IMMP2L: variants seen among roughly 807,000 people sequenced by gnomAD.
IMMP2L encodes the protein inner mitochondrial membrane peptidase subunit 2.
Under a neutral mutation model 19.3 loss-of-function variants are expected in IMMP2L, and 18 were observed. That is an observed-to-expected ratio of 0.93 (90% confidence interval 0.64 to 1.38). The LOEUF (loss-of-function observed/expected upper bound fraction) is 1.38. IMMP2L is among the 40% of genes most tolerant of loss of function. IMMP2L has a pLI of 0.00. For missense variants in IMMP2L, 233 were observed against 218.2 expected (o/e 1.07, Z -0.43); for synonymous variants, 76 against 73.0 (o/e 1.04, Z -0.21).
intron 5 of IMMP2L, among the ~76,000 whole-genome samples, chr7:110,835,435 A>G (rs1305169097): frequency 2.0e-5 from 3 of 152,134 alleles, no homozygotes; most frequent in Non-Finnish European, 2.9e-5. Context: ...AGACTCTTGG[A>G]AAGCTGCCAA....
rs1234134676 is a variant in IMMP2L, at chr7:110,760,945, T to C, written c.409-97224A>G. 6.6e-6 allele frequency among the ~76,000 whole-genome samples: 1 copy of C among 151,996 alleles called. No homozygotes were observed. Among genetic ancestry groups the C allele is most frequent in the East Asian group, 1.9e-4 (1 of 5,164 alleles). On this transcript the variant is annotated intron_variant, in intron 5 of 5. Transcript: ENST00000405709. The surrounding 1 kb of genome is among the most constrained non-coding windows in gnomAD (Gnocchi z 4.2). ...TAAGTGACATAAGTGGGTTGGAGAA[T>C]AGAGAAAGCAAACATTGCAATGCAG...
chr7:110,749,321 G>A (rs957578361), intron 5 of IMMP2L, among the ~76,000 whole-genome samples: 2 of 152,124 alleles, frequency 1.3e-5, no homozygotes, highest in Non-Finnish European at 2.9e-5. Flanking sequence ...TTCAACCATT[G>A]TGGAAGACAG....
chr7:110,737,233 T>C (rs1584666684), intron 5 of IMMP2L, among the ~76,000 whole-genome samples: 1 of 152,122 alleles, frequency 6.6e-6, no homozygotes, highest in African/African-American at 2.4e-5. Flanking sequence ...CCAAAAAAAC[T>C]GTGAGTCTGC....
At chr7:110,919,295 C>A (rs1164910549) in intron 4 of IMMP2L, among the ~76,000 whole-genome samples, 3 of 152,032 alleles carry the variant, frequency 2.0e-5, no homozygotes, top group Non-Finnish European at 2.9e-5. Context: ...CCAAATTAAG[C>A]CATAAGAGAC....
chr7:111,114,492 C>CT (rs1471730968), intron 3 of IMMP2L, among the ~76,000 whole-genome samples: 1 of 152,090 alleles, frequency 6.6e-6, no homozygotes, highest in Non-Finnish European at 1.5e-5. Flanking sequence ...AATCCCAGCA[C>CT]TTTGTGAGTT....
At chr7:111,425,307 G>A (rs186471203) in intron 3 of IMMP2L, among the ~76,000 whole-genome samples, 1 of 151,286 alleles carries the variant, frequency 6.6e-6, no homozygotes, top group Non-Finnish European at 1.5e-5. Context: ...TGATGTTAAT[G>A]TTCTGTATCT....
chr7:111,163,396 A>G (rs1805476338), intron 3 of IMMP2L, among the ~76,000 whole-genome samples: 1 of 152,088 alleles, frequency 6.6e-6, no homozygotes, highest in Non-Finnish European at 1.5e-5. Context: ...TGCTGGACTC[A>G]CTTCCCTACT....
rs374467530 is a variant in IMMP2L at position 111,132,146 on chromosome 7, C to A, written c.240-168581G>T. Among the ~76,000 whole-genome samples the A allele has an allele frequency of 9.0e-4, 137 of 152,002 alleles. 1 individual carries two copies. The highest frequency in any genetic ancestry group is 3.2e-3 in the African/African-American group (131 of 41,492). ...TTGCAGTTACTACTTATTTGCCAAACACAAAGAACACTAGTTTATCAAGAA... is the reference window on the plus strand; with the variant it reads ...TTGCAGTTACTACTTATTTGCCAAAAACAAAGAACACTAGTTTATCAAGAA... On this transcript the variant is annotated intron_variant, in intron 3 of 5. Transcript: ENST00000405709.
chr7:111,111,551 G>T (rs1257784196), intron 3 of IMMP2L, among the ~76,000 whole-genome samples: 1 of 151,870 alleles, frequency 6.6e-6, no homozygotes, highest in Non-Finnish European at 1.5e-5. Context: ...TTCATAACCT[G>T]ATATAGACTA....
chr7:111,290,101 AAAG>A (rs1820926109), intron 3 of IMMP2L, among the ~76,000 whole-genome samples: 1 of 152,166 alleles, frequency 6.6e-6, no homozygotes, highest in Non-Finnish European at 1.5e-5. Flanking sequence ...TGCACATAGA[AAAG>A]AAGGACATAG....
chr7:111,293,478 C>A (rs941655710), intron 3 of IMMP2L, among the ~76,000 whole-genome samples: 1 of 151,578 alleles, frequency 6.6e-6, no homozygotes, highest in African/African-American at 2.4e-5. Context: ...GTCTACGCAG[C>A]TAGCAAACCA....
At chr7:111,176,801 A>T (rs1271188939) in intron 3 of IMMP2L, among the ~76,000 whole-genome samples, 1 of 150,466 alleles carries the variant, frequency 6.6e-6, no homozygotes, top group Non-Finnish European at 1.5e-5. Flanking sequence ...TCGAACCATA[A>T]ACAAAAAATA....
chr7:111,024,350 G>C (rs929269485), intron 3 of IMMP2L, among the ~76,000 whole-genome samples: 2 of 152,266 alleles, frequency 1.3e-5, no homozygotes, highest in African/African-American at 4.8e-5. Context: ...ACTTGAGGGG[G>C]CAGATCTCTA....
intron 3 of IMMP2L, among the ~76,000 whole-genome samples, chr7:111,229,005 GTA>G: frequency 7.4e-6 from 1 of 134,706 alleles, no homozygotes; most frequent in East Asian, 2.1e-4. Flanking sequence ...GTGTGTGTGT[GTA>G]TCAGCCCGAA....
At chr7:110,817,464 G>A (rs1375280705) in intron 5 of IMMP2L, among the ~76,000 whole-genome samples, 2 of 152,040 alleles carry the variant, frequency 1.3e-5, no homozygotes, top group Admixed American at 1.3e-4. Context: ...AATAAAAGAG[G>A]ATACAAACAC....
chr7:111,235,562 G>A (rs537731008), intron 3 of IMMP2L, among the ~76,000 whole-genome samples: 6 of 151,584 alleles, frequency 4.0e-5, no homozygotes, highest in Admixed American at 2.6e-4. Flanking sequence ...TGTTTCCAAA[G>A]CAAAGACTCT....
At chr7:111,358,629 T>C (rs915133586) in intron 3 of IMMP2L, among the ~76,000 whole-genome samples, 1 of 152,078 alleles carries the variant, frequency 6.6e-6, no homozygotes, top group Non-Finnish European at 1.5e-5. Context: ...CCTTAACCAA[T>C]TCACCAGACA....
rs367671688 is a variant in IMMP2L at position 111,496,897 on chromosome 7, C to CATAGATAGATAG, written c.136-9568_136-9557dup. On this transcript the variant is annotated intron_variant, in intron 2 of 5. Transcript: ENST00000405709. ...ATAAATTCCCTCTCATAGATAGATA[C>CATAGATAGATAG]ATAGATAGATAGATAGATAGATAGA... Among the ~76,000 whole-genome samples the CATAGATAGATAG allele has an allele frequency of 9.5e-3, 1,437 of 151,552 alleles. 18 individuals carry two copies. Among genetic ancestry groups the CATAGATAGATAG allele is most frequent in the African/African-American group, 0.029 (1,203 of 41,252 alleles).
intron 3 of IMMP2L, among the ~76,000 whole-genome samples, chr7:111,257,446 C>A (rs1587082474): frequency 6.6e-6 from 1 of 152,086 alleles, no homozygotes; most frequent in African/African-American, 2.4e-5. Flanking sequence ...CACAATCACC[C>A]ATTTTGTTAT....
Sources: gnomAD v4.1 joint callset for allele counts (sites outside exome capture counted in the v4.1 genomes callset) on GRCh38, gnomAD v4.1.1 for gene constraint, Gnocchi (gnomAD v3.1) non-coding constraint, MANE v1.5 for transcripts, NCBI Gene and HGNC (gene_info 2026-07-23, HGNC 2026-07-21) for gene names.